NRXN3: variants seen among roughly 807,000 people sequenced by gnomAD.
NRXN3 encodes neurexin III.
NRXN3 carries 32 observed loss-of-function variants against 137.6 expected under a neutral mutation model. The observed-to-expected ratio is 0.23, with a 90% confidence interval of 0.18 to 0.31. The LOEUF (loss-of-function observed/expected upper bound fraction) is 0.31. NRXN3 is among the 10% of genes least tolerant of loss of function. The pLI is 1.00. For missense variants in NRXN3, 1,574 were observed against 2,062.5 expected, an observed-to-expected ratio of 0.76 and a Z score of 4.59; for synonymous variants, 798 against 784.5, an observed-to-expected ratio of 1.02 and a Z score of -0.29.
intron 4 of NRXN3, among the ~76,000 whole-genome samples, chr14:78,395,109 T>C (rs528515455): frequency 6.6e-6 from 1 of 151,986 alleles, no homozygotes; most frequent in South Asian, 2.1e-4. Flanking sequence ...ATTTATTATT[T>C]TTTTTTAGGT....
chr14:79,747,431 C>A (rs2098983070), intron 19 of NRXN3, among the ~76,000 whole-genome samples: 1 of 152,022 alleles, frequency 6.6e-6, no homozygotes, highest in Non-Finnish European at 1.5e-5. Context: ...ACAACTTCTC[C>A]AGGAAAATAG....
At position 79,540,031 on chromosome 14, in the gene NRXN3, A is replaced by G. The variant is rs150647791; in HGVS notation, c.3444+72629A>G. 1.1e-4 allele frequency among the ~76,000 whole-genome samples: 17 copies of G among 152,254 alleles called. No individual in the cohort carries two copies. The East Asian group carries it at 3.3e-3, about 29-fold the overall frequency. On this transcript the variant is annotated intron_variant, in intron 16 of 20. Transcript: ENST00000335750. ...GAGGGGAGTGAGAAGGAGAGGGAAA[A>G]AATTCCCAAAGCTCATATTAGGCAA...
rs185870949 is a variant in NRXN3, at chr14:78,326,663, G to T, written c.757+28803G>T. 5.7e-4 allele frequency among the ~76,000 whole-genome samples: 87 copies of T among 152,328 alleles called. 1 individual carries two copies. The highest frequency in any genetic ancestry group is 3.1e-3 in the South Asian group (15 of 4,824). The stretch of plus-strand genomic sequence containing the variant: ...TCCAGGAGCAGAAGTAAGATGAAGC[G>T]TGGTGTTCACAGAGCAATGGAGGTT... On this transcript the variant is annotated intron_variant, in intron 4 of 20. Transcript: ENST00000335750.
chr14:78,676,072 C>T (rs10145817), intron 6 of NRXN3, among the ~76,000 whole-genome samples: 71,289 of 152,002 alleles, frequency 0.47, 20,434 homozygotes, highest in African/African-American at 0.81. Context: ...CTTCTCCCTC[C>T]CTTCAGGTTT....
chr14:79,085,628 A>G (rs1168464969), intron 15 of NRXN3, among the ~76,000 whole-genome samples: 4 of 152,196 alleles, frequency 2.6e-5, no homozygotes, highest in African/African-American at 4.8e-5. Flanking sequence ...ACTTGGGCTT[A>G]TGGAATGATT....
chr14:78,535,268 A>G (rs747392545), intron 4 of NRXN3, among the ~76,000 whole-genome samples: 2 of 152,048 alleles, frequency 1.3e-5, no homozygotes, highest in Non-Finnish European at 2.9e-5. Context: ...TCCTGGAGGG[A>G]GAGTGGGGAG....
intron 10 of NRXN3, among the ~76,000 whole-genome samples, chr14:78,912,698 G>C (rs2099242435): frequency 6.6e-6 from 1 of 152,144 alleles, no homozygotes; most frequent in Non-Finnish European, 1.5e-5. Flanking sequence ...CTGGGATTTT[G>C]AATAAATGTG....
intron 15 of NRXN3, among the ~76,000 whole-genome samples, chr14:79,253,298 G>A (rs945683908): frequency 4.6e-5 from 7 of 152,174 alleles, no homozygotes; most frequent in African/African-American, 1.7e-4. Context: ...GATAGACAGG[G>A]AACCCTGTGC....
At chr14:78,194,158 C>T (rs2061012879) in intron 1 of NRXN3, among the ~76,000 whole-genome samples, 1 of 152,212 alleles carries the variant, frequency 6.6e-6, no homozygotes, top group Non-Finnish European at 1.5e-5. Flanking sequence ...ATGCAGTGGG[C>T]TGAGCACAAT....
intron 16 of NRXN3, among the ~76,000 whole-genome samples, chr14:79,493,487 A>G (rs1053923842): frequency 5.3e-5 from 8 of 152,238 alleles, no homozygotes; most frequent in African/African-American, 1.7e-4. Flanking sequence ...AAAATATTTG[A>G]ACAAATGAGG....
intron 9 of NRXN3, among the ~76,000 whole-genome samples, chr14:78,806,710 A>G (rs2098872943): frequency 6.6e-6 from 1 of 152,214 alleles, no homozygotes; most frequent in African/African-American, 2.4e-5. Flanking sequence ...GAAATATCCT[A>G]TAACTCAGCA....
At chr14:78,742,694 C>T (rs915959379) in intron 8 of NRXN3, among the ~76,000 whole-genome samples, 15 of 152,128 alleles carry the variant, frequency 9.9e-5, no homozygotes, top group South Asian at 6.2e-4. Context: ...GGAATTTTGA[C>T]GGTATAATGA....
intron 19 of NRXN3, among the ~76,000 whole-genome samples, chr14:79,737,624 T>C (rs978132133): frequency 3.3e-5 from 5 of 152,174 alleles, no homozygotes; most frequent in African/African-American, 1.2e-4. Context: ...ACCCACAACA[T>C]TGATTTCACC....
At chr14:79,634,327 G>C (rs2098386337) in intron 16 of NRXN3, among the ~76,000 whole-genome samples, 2 of 152,190 alleles carry the variant, frequency 1.3e-5, no homozygotes, top group Admixed American at 1.3e-4. Context: ...GAGAGAGAGA[G>C]AGGAGACAGA....
intron 16 of NRXN3, among the ~76,000 whole-genome samples, chr14:79,479,272 G>GT (rs1361500127): frequency 6.6e-6 from 1 of 151,744 alleles, no homozygotes; most frequent in African/African-American, 2.4e-5. Flanking sequence ...TGTGTTTGCT[G>GT]TTTTTTTAAT....
intron 16 of NRXN3, among the ~76,000 whole-genome samples, chr14:79,535,691 C>A: frequency 6.6e-6 from 1 of 152,084 alleles, no homozygotes; most frequent in East Asian, 1.9e-4. Context: ...TGAAAGGTAT[C>A]CATCAGTATC....
chr14:78,889,854 G>T (rs1365858356), intron 10 of NRXN3, among the ~76,000 whole-genome samples: 2 of 152,028 alleles, frequency 1.3e-5, no homozygotes, highest in African/African-American at 4.8e-5. Flanking sequence ...AGATGTTTAA[G>T]TTAATAATCT....
chr14:78,888,963 T>G (rs31396), intron 10 of NRXN3, among the ~76,000 whole-genome samples: 20,866 of 151,924 alleles, frequency 0.14, 2,989 homozygotes, highest in African/African-American at 0.37. Context: ...ACTTAATTTT[T>G]CAATGTATTT....
chr14:78,336,608 G>A (rs1289209766), intron 4 of NRXN3, among the ~76,000 whole-genome samples: 2 of 152,126 alleles, frequency 1.3e-5, no homozygotes, highest in African/African-American at 2.4e-5. Context: ...CAGGTCTTAA[G>A]TGGACATCCT....
Sources: allele counts gnomAD v4.1 joint callset (sites outside exome capture counted in the v4.1 genomes callset), GRCh38; gene constraint gnomAD v4.1.1; transcripts MANE v1.5; gene names NCBI Gene and HGNC (gene_info 2026-07-23, HGNC 2026-07-21).